The following RGS7 variants were observed in gnomAD, a reference collection of about 807,000 sequenced individuals.
RGS7 encodes the protein regulator of G protein signaling 7, also known as regulator of G-protein signaling 7.
A neutral mutation model predicts 81.1 loss-of-function variants in RGS7; 27 were observed. The observed-to-expected ratio is 0.33, with a 90% confidence interval of 0.25 to 0.46. The LOEUF is 0.46. RGS7 is among the 20% of genes least tolerant of loss of function. The pLI is 1.00. For synonymous variants in RGS7, 208 were observed against 207.7 expected, an observed-to-expected ratio of 1.00 and a Z score of -0.01; for missense variants, 396 against 607.4, an observed-to-expected ratio of 0.65 and a Z score of 3.66.
At chr1:240,816,196 C>T (rs768939403) in intron 11 of RGS7, 121 bp downstream of exon 11, 9 of 731,542 alleles carry the variant, frequency 1.2e-5, no homozygotes, top group Admixed American at 3.8e-5. Context: ...GCAAATCTTC[C>T]ACATGAAACA....
chr1:240,800,798 AC>A, intron 17 of RGS7, 77 bp from the exon 18 acceptor site: 1 of 759,982 alleles, frequency 1.3e-6, no homozygotes, highest in Non-Finnish European at 2.1e-6. Flanking sequence ...CTGGCACAAT[AC>A]AAAAAAAAGA....
At chr1:241,040,762 T>C (rs1002139892) in intron 3 of RGS7, among the ~76,000 whole-genome samples, 15 of 152,150 alleles carry the variant, frequency 9.9e-5, no homozygotes, top group South Asian at 2.1e-4. Flanking sequence ...GGTGCTGGGA[T>C]TACAGGCGGG....
At chr1:241,026,999 C>A (rs2059820257) in intron 3 of RGS7, among the ~76,000 whole-genome samples, 1 of 150,160 alleles carries the variant, frequency 6.7e-6, no homozygotes, top group Admixed American at 6.7e-5. Context: ...AGGTTCCAGC[C>A]TCAGCAACAT....
intron 2 of RGS7, among the ~76,000 whole-genome samples, chr1:241,112,558 T>A (rs910460452): frequency 2.0e-5 from 3 of 152,214 alleles, no homozygotes; most frequent in African/African-American, 7.2e-5. Context: ...AAACTAAATA[T>A]AAGTATGGTG....
intron 2 of RGS7, among the ~76,000 whole-genome samples, chr1:241,158,292 T>G (rs2103176925): frequency 6.6e-6 from 1 of 152,276 alleles, no homozygotes; most frequent in Middle Eastern, 3.4e-3. Flanking sequence ...AGCTATGCGA[T>G]TTAGGATTAT....
chr1:240,818,936 T>C (rs1188067427), intron 10 of RGS7, among the ~76,000 whole-genome samples: 1 of 152,208 alleles, frequency 6.6e-6, no homozygotes, highest in Non-Finnish European at 1.5e-5. Flanking sequence ...ATTTTAAATG[T>C]TCTTGCCACA....
chr1:241,289,328 C>T (rs1329916981), intron 2 of RGS7, among the ~76,000 whole-genome samples: 2 of 152,280 alleles, frequency 1.3e-5, no homozygotes, highest in Admixed American at 6.5e-5. Context: ...TAGCAAATGC[C>T]CACTCATTAT....
chr1:241,224,825 A>T (rs1007598110), intron 2 of RGS7, among the ~76,000 whole-genome samples: 2 of 152,172 alleles, frequency 1.3e-5, no homozygotes, highest in Non-Finnish European at 2.9e-5. Context: ...GAACAGGTCC[A>T]CTACGCTTTG....
intron 3 of RGS7, among the ~76,000 whole-genome samples, chr1:240,994,990 A>AT (rs1357444559): frequency 6.6e-6 from 1 of 152,016 alleles, no homozygotes; most frequent in Non-Finnish European, 1.5e-5. Flanking sequence ...GTTTTTGTAG[A>AT]TGTTCTTTAT....
chr1:240,951,726 G>A (rs1288478415), intron 4 of RGS7, among the ~76,000 whole-genome samples: 1 of 152,110 alleles, frequency 6.6e-6, no homozygotes, highest in Non-Finnish European at 1.5e-5. Context: ...CAGTGCAGCA[G>A]AAGAAATATT....
chr1:241,122,505 AT>A, intron 2 of RGS7, among the ~76,000 whole-genome samples: 1 of 152,128 alleles, frequency 6.6e-6, no homozygotes, highest in East Asian at 1.9e-4. Flanking sequence ...TCTACTAAAT[AT>A]AAAAAATTAG....
In RGS7 at chr1:241,037,117, C is replaced by A. The variant is rs1385423712; in HGVS notation, c.176-53988G>T. 3.9e-5 allele frequency among the ~76,000 whole-genome samples: 6 copies of A among 152,184 alleles called. No homozygotes were observed. In the East Asian group the frequency reaches 9.6e-4, roughly 24 times the overall value. ...GCTAAGGTATATTAACTAACATGGA[C>A]ATTATTATCTTGAAGTGGAATGTTG... On this transcript the variant is annotated intron_variant, in intron 3 of 18. Transcript: ENST00000440928.
intron 2 of RGS7, among the ~76,000 whole-genome samples, chr1:241,238,192 G>T (rs1305749165): frequency 1.3e-5 from 2 of 152,164 alleles, no homozygotes; most frequent in African/African-American, 4.8e-5. Flanking sequence ...AGTGCCTAGG[G>T]CTGACCGACC....
intron 3 of RGS7, among the ~76,000 whole-genome samples, chr1:240,988,758 G>A (rs539279165): frequency 6.6e-6 from 1 of 152,236 alleles, no homozygotes; most frequent in South Asian, 2.1e-4. Context: ...TCTCAGCAAT[G>A]GCAAAAATCT....
rs191661403 is a variant in RGS7 at position 241,306,550 on chromosome 1, T to C, written c.78+49149A>G. 1.2e-3 allele frequency among the ~76,000 whole-genome samples: 172 copies of C among 149,462 alleles called. 4 individuals are homozygous for C. Among genetic ancestry groups the C allele is most frequent in the African/African-American group, 4.0e-3 (162 of 40,390 alleles). On this transcript the variant is annotated intron_variant, in intron 2 of 18. Transcript: ENST00000440928. Reference sequence around the variant, plus strand: ...CACGTCCACACACATGCACACACCCTTACACACATACACATATGTCCACAC... The same window carrying C: ...CACGTCCACACACATGCACACACCCCTACACACATACACATATGTCCACAC...
At chr1:240,918,821 T>C (rs1333275247) in intron 6 of RGS7, among the ~76,000 whole-genome samples, 5 of 151,780 alleles carry the variant, frequency 3.3e-5, no homozygotes, top group Non-Finnish European at 1.5e-5. Flanking sequence ...TTAATATTGA[T>C]GAGCCTCTAG....
intron 2 of RGS7, among the ~76,000 whole-genome samples, chr1:241,153,533 C>A (rs2068901720): frequency 6.6e-6 from 1 of 152,178 alleles, no homozygotes; most frequent in African/African-American, 2.4e-5. Flanking sequence ...ATACTCTGTG[C>A]TGCTCCTCCA....
chr1:241,277,507 T>C (rs1307229976), intron 2 of RGS7, among the ~76,000 whole-genome samples: 1 of 151,786 alleles, frequency 6.6e-6, no homozygotes, highest in Non-Finnish European at 1.5e-5. Flanking sequence ...TAGTCCCAGC[T>C]ACTCAGGAGG....
At chr1:241,194,947 C>A (rs1484990926) in intron 2 of RGS7, among the ~76,000 whole-genome samples, 1 of 152,190 alleles carries the variant, frequency 6.6e-6, no homozygotes, top group African/African-American at 2.4e-5. Flanking sequence ...ATCTACAGGG[C>A]TTCACCCTGC....
Sources: allele counts gnomAD v4.1 joint callset (sites outside exome capture counted in the v4.1 genomes callset), GRCh38; gene constraint gnomAD v4.1.1; transcripts MANE v1.5; gene names NCBI Gene and HGNC (gene_info 2026-07-23, HGNC 2026-07-21).